The following SGCZ variants were observed in gnomAD, a reference collection of about 807,000 sequenced individuals.
SGCZ encodes sarcoglycan zeta, also known as zeta-sarcoglycan.
Under a neutral mutation model 41.3 loss-of-function variants are expected in SGCZ, and 40 were observed. That is an observed-to-expected ratio of 0.97 (90% confidence interval 0.75 to 1.26). The LOEUF is 1.26. Among genes scored for constraint, SGCZ ranks in the 50% most tolerant of loss-of-function variants. The pLI, the probability that SGCZ is intolerant of heterozygous loss-of-function variation, is 0.00. For missense variants in SGCZ, 552 were observed against 369.8 expected, an observed-to-expected ratio of 1.49 and a Z score of -4.04; for synonymous variants, 206 against 137.5, an observed-to-expected ratio of 1.50 and a Z score of -3.49.
At position 14,635,276 on chromosome 8, in the gene SGCZ, C is replaced by T. The variant is rs1340742710; in HGVS notation, c.40-80350G>A. Among the ~76,000 whole-genome samples, 3 of 151,764 alleles carry T rather than the reference C, an allele frequency of 2.0e-5. No individual in the cohort carries two copies. The East Asian group carries it at 5.8e-4, about 29-fold the overall frequency. On this transcript the variant is annotated intron_variant, in intron 1 of 7. Coordinates refer to ENST00000382080, the MANE Select transcript of SGCZ (RefSeq NM_139167.4). ...TCCATTTACTTGCTCAATCTGTTGT[C>T]TTTCTTATGAAAAGGGTCACCTTTT...
intron 2 of SGCZ, among the ~76,000 whole-genome samples, chr8:14,474,454 T>C (rs1801301849): frequency 2.0e-5 from 3 of 152,196 alleles, no homozygotes; most frequent in African/African-American, 4.8e-5. Context: ...AAAAATTAGT[T>C]CTTAAACCTA....
chr8:15,134,987 C>G lies in SGCZ; in HGVS notation c.39+102598G>C, dbSNP rs572261049. Among the ~76,000 whole-genome samples, 6 of 152,212 alleles carry G rather than the reference C, an allele frequency of 3.9e-5. No homozygotes were observed. In the East Asian group the frequency reaches 9.7e-4, roughly 24 times the overall value. On this transcript the variant is annotated intron_variant, in intron 1 of 7. Coordinates refer to ENST00000382080, the MANE Select transcript of SGCZ (RefSeq NM_139167.4). ...TGTGGTTACTCTAAGCGTTAGCTAC[C>G]AATTTGCTAGACTTTTGCTCTTCAG...
intron 1 of SGCZ, among the ~76,000 whole-genome samples, chr8:14,730,977 C>A (rs555871047): frequency 5.9e-5 from 9 of 151,802 alleles, no homozygotes; most frequent in Admixed American, 5.3e-4. Context: ...GACAGTGTGG[C>A]TATTCCTCAA....
At chr8:14,499,463 C>A (rs993806698) in intron 2 of SGCZ, among the ~76,000 whole-genome samples, 1 of 151,938 alleles carries the variant, frequency 6.6e-6, no homozygotes. Context: ...TTATTTGCAA[C>A]ATATATTGCT....
chr8:14,800,474 G>A (rs1173016409), intron 1 of SGCZ, among the ~76,000 whole-genome samples: 1 of 152,060 alleles, frequency 6.6e-6, no homozygotes, highest in Non-Finnish European at 1.5e-5. Context: ...ATATGGTTTG[G>A]CTGCATATCC....
At chr8:14,985,257 G>A (rs527931858) in intron 1 of SGCZ, among the ~76,000 whole-genome samples, 17 of 152,178 alleles carry the variant, frequency 1.1e-4, no homozygotes, top group Non-Finnish European at 1.9e-4. Context: ...CCCTTAGAAT[G>A]GAGAGAATAA....
At chr8:14,694,759 T>G (rs1183391538) in intron 1 of SGCZ, among the ~76,000 whole-genome samples, 3 of 152,186 alleles carry the variant, frequency 2.0e-5, no homozygotes. Flanking sequence ...TCATATTTAT[T>G]TATCAAAAAT....
intron 1 of SGCZ, among the ~76,000 whole-genome samples, chr8:15,013,952 C>T (rs1288268908): frequency 1.3e-5 from 2 of 152,094 alleles, no homozygotes; most frequent in Non-Finnish European, 2.9e-5. Context: ...TATTTTTTAC[C>T]TCAAGATGGG....
intron 7 of SGCZ, among the ~76,000 whole-genome samples, chr8:14,100,858 C>CAACTT (rs1452546664): frequency 7.2e-5 from 11 of 151,838 alleles, no homozygotes; most frequent in African/African-American, 2.7e-4. Context: ...ACATGCCTCT[C>CAACTT]AACTTATCCT....
At chr8:14,455,006 T>C (rs1341263927) in intron 2 of SGCZ, among the ~76,000 whole-genome samples, 1 of 151,918 alleles carries the variant, frequency 6.6e-6, no homozygotes, top group African/African-American at 2.4e-5. Context: ...ACAGAAGCAA[T>C]CAAATAGAAG....
chr8:14,594,157 A>G (rs1010029336), intron 1 of SGCZ, among the ~76,000 whole-genome samples: 6 of 151,200 alleles, frequency 4.0e-5, no homozygotes, highest in African/African-American at 1.5e-4. Context: ...CCTGGGCAAC[A>G]GAGCAAGACT....
chr8:14,306,710 A>T (rs12546979), intron 3 of SGCZ, among the ~76,000 whole-genome samples: 37,436 of 152,084 alleles, frequency 0.25, 4,807 homozygotes, highest in South Asian at 0.33. Flanking sequence ...GTGTCATTGT[A>T]AATTTGCATG....
At chr8:15,168,491 G>C (rs1799729751) in intron 1 of SGCZ, among the ~76,000 whole-genome samples, 5 of 152,190 alleles carry the variant, frequency 3.3e-5, no homozygotes, top group Admixed American at 3.3e-4. Flanking sequence ...TGCTTCATGG[G>C]CGTGAGCTGC....
At chr8:14,699,810 T>C (rs1809078012) in intron 1 of SGCZ, among the ~76,000 whole-genome samples, 1 of 151,916 alleles carries the variant, frequency 6.6e-6, no homozygotes, top group African/African-American at 2.4e-5. Context: ...AACGGGCACT[T>C]CTTTAAAGAA....
chr8:14,797,079 T>C (rs1232471274), intron 1 of SGCZ, among the ~76,000 whole-genome samples: 2 of 152,174 alleles, frequency 1.3e-5, no homozygotes, highest in South Asian at 2.1e-4. Flanking sequence ...ATATGGTAAA[T>C]TGGTACCAGA....
intron 3 of SGCZ, among the ~76,000 whole-genome samples, chr8:14,268,492 T>A (rs1321866827): frequency 2.6e-5 from 4 of 151,778 alleles, no homozygotes; most frequent in African/African-American, 9.7e-5. Flanking sequence ...ATAACACAAT[T>A]GGAAGTTAAT....
chr8:14,403,869 C>G (rs918887625), intron 2 of SGCZ, among the ~76,000 whole-genome samples: 2 of 152,022 alleles, frequency 1.3e-5, no homozygotes, highest in Non-Finnish European at 2.9e-5. Flanking sequence ...TTTTTTATTT[C>G]TCAGAGCTTT....
intron 3 of SGCZ, chr8:14,309,357 G>T: frequency 6.2e-7 from 1 of 1,604,190 alleles, no homozygotes; most frequent in South Asian, 1.1e-5. Flanking sequence ...GGAGGACGAT[G>T]GCTAATTACA....
intron 2 of SGCZ, among the ~76,000 whole-genome samples, chr8:14,511,432 AAACTGAGAGT>A (rs1802465910): frequency 1.3e-5 from 2 of 152,072 alleles, no homozygotes; most frequent in Middle Eastern, 3.2e-3. Context: ...AGCCAGAGAA[AAACTGAGAGT>A]AATTTTTAAA....
Sources: allele counts gnomAD v4.1 joint callset (sites outside exome capture counted in the v4.1 genomes callset), GRCh38; gene constraint gnomAD v4.1.1; transcripts MANE v1.5; gene names NCBI Gene and HGNC (gene_info 2026-07-23, HGNC 2026-07-21).